The following HERPUD1 variants were observed in gnomAD, a reference collection of about 807,000 sequenced individuals.
HERPUD1 encodes the protein homocysteine inducible ER protein with ubiquitin like domain 1, also known as homocysteine-responsive endoplasmic reticulum-resident ubiquitin-like domain member 1 protein.
In HERPUD1, 17 loss-of-function variants were observed where a neutral mutation model predicts 45.0. The ratio of observed to expected loss-of-function variants is 0.38; its 90% CI spans 0.26 to 0.57. HERPUD1 has a LOEUF of 0.57. Ranked by LOEUF, HERPUD1 falls within the 20% of genes least tolerant of loss-of-function variation. The pLI, the probability that HERPUD1 is intolerant of heterozygous loss-of-function variation, is 0.72. For missense variants in HERPUD1, 420 were observed against 490.5 expected, an observed-to-expected ratio of 0.86 and a Z score of 1.36; for synonymous variants, 164 against 177.5, an observed-to-expected ratio of 0.92 and a Z score of 0.61.
intron 1 of HERPUD1, chr16:56,933,353 ATATT>A: frequency 2.2e-6 from 1 of 455,970 alleles, no homozygotes; most frequent in Middle Eastern, 3.3e-4. Context: ...TGAAATTTGC[ATATT>A]TATTTAGTAA....
At chr16:56,940,305 T>TTG (rs2055899968) in intron 6 of HERPUD1, 60 bp downstream of exon 6, 1 of 1,274,392 alleles carries the variant, frequency 7.8e-7, no homozygotes, top group East Asian at 2.3e-5. Flanking sequence ...TAAGCAGATT[T>TTG]TGCTCTTTTT....
chr16:56,939,341 G>A lies in HERPUD1; in HGVS notation c.536G>A (p.Arg179Gln), dbSNP rs776879632. ...TCCTGGTTCCAGCAGATATATGCAC[G>A]ACAGTACTACATGCAATAGTGAGTC... ...QLSWFQQIYA[R>Q]QYYMQYLAAT... Residue 179 changes from arginine (R) to glutamine (Q), a missense_variant, in exon 5 of 8, where the codon CGA becomes CAA. Transcript: ENST00000439977. The A allele has an allele frequency of 1.2e-5, 19 of 1,614,072 alleles. No homozygotes were observed. Among genetic ancestry groups the A allele is most frequent in the South Asian group, 3.3e-5 (3 of 91,084 alleles).
chr16:56,943,157 A>G lies in HERPUD1; in HGVS notation c.1043A>G (p.Asn348Ser). 1 of 1,614,086 alleles carries G rather than the reference A, an allele frequency of 6.2e-7. No homozygotes were observed. Among genetic ancestry groups the G allele is most frequent in the Non-Finnish European group, 8.5e-7 (1 of 1,180,000 alleles). ...ACTGATCCTGAAACTGAAGACCCCA[A>G]CCACCTCCCTCCAGACAGGGATGTA... ...EGTDPETEDP[N>S]HLPPDRDVLD... The change falls in exon 8 of 8, where the codon AAC becomes AGC. Residue 348 changes from asparagine to serine, a missense_variant. Asn to Ser is a conservative substitution (Grantham distance 46, BLOSUM62 1). Coordinates refer to ENST00000439977, the MANE Select transcript of HERPUD1 (RefSeq NM_014685.4).
chr16:56,933,448 T>C (rs2055842144), intron 1 of HERPUD1: 1 of 425,146 alleles, frequency 2.4e-6, no homozygotes. Flanking sequence ...ACTGGGTGGC[T>C]GTGTTGCCAT....
chr16:56,939,386 T>A (rs778633091), intron 5 of HERPUD1, 27 bp downstream of exon 5: 1 of 1,613,100 alleles, frequency 6.2e-7, no homozygotes, highest in African/African-American at 1.3e-5. Flanking sequence ...ATGCTGGGTG[T>A]GGCCAGGGCT....
At chr16:56,938,507 G>A (rs57502215) in intron 4 of HERPUD1, among the ~76,000 whole-genome samples, 3,411 of 150,706 alleles carry the variant, frequency 0.023, 187 homozygotes, top group Admixed American at 0.12. Context: ...AGCTTGCAGT[G>A]AGCCGAGATT....
chr16:56,936,698 C>T lies in HERPUD1; in HGVS notation c.312C>T (p.Ser104=). The T allele has an allele frequency of 6.2e-7, 1 of 1,612,606 alleles. No individual in the cohort carries two copies. Among genetic ancestry groups the T allele is most frequent in the Non-Finnish European group, 8.5e-7 (1 of 1,179,120 alleles). The change falls in exon 4 of 8, where the codon TCC becomes TCT. Residue 104 remains serine, a synonymous_variant. Coordinates refer to ENST00000439977, the MANE Select transcript of HERPUD1 (RefSeq NM_014685.4). ...MPEINAKVAE[S]TEEPAGSNRG... is the part of the protein sequence containing the mutation. ...TTACACTTATTTAGGTGGCTGAATC[C>T]ACAGAGGAGCCTGCTGGTTCTAATC...
rs148397068 is a variant in HERPUD1, at chr16:56,933,245, AAGTCGTG to A, written c.147+858_147+864del. 1.6e-3 allele frequency: 751 copies of A among 455,976 alleles called. 22 individuals carry two copies. The East Asian group carries it at 0.037, about 23-fold the overall frequency. The allele number at this position is 455,976 out of a possible 1,614,324, so 28.2% of individuals were successfully genotyped here. On this transcript the variant is annotated intron_variant, in intron 1 of 7. Transcript: ENST00000439977. ...GGCATCCGGGCAGGAAAAGATAGTG[AAGTCGTG>A]AGTTCCAGCTTGTGGTAGCGCCTGT...
intron 4 of HERPUD1, among the ~76,000 whole-genome samples, chr16:56,937,907 G>A (rs1305604489): frequency 4.0e-5 from 6 of 151,534 alleles, no homozygotes; most frequent in Non-Finnish European, 7.4e-5. Flanking sequence ...CATATAAATT[G>A]GATAATTATT....
chr16:56,942,105 A>G (rs1189706128), intron 6 of HERPUD1, 27 bp from the exon 7 acceptor site: 2 of 1,576,160 alleles, frequency 1.3e-6, no homozygotes, highest in African/African-American at 2.7e-5. Flanking sequence ...ATCAGCTAAG[A>G]TGGACTTTTA....
Position 56,935,476 on chromosome 16 carries a change from G to A in HERPUD1, c.300+1G>A. ...AAAAATGCCAGAAATCAACGCCAAG[G>A]TGTGTCTGCCTCTTCATGATGGTAA... On this transcript the variant is annotated splice_donor_variant, in intron 3 of 7. Transcript: ENST00000439977. LOFTEE classifies it high-confidence loss of function. 6.2e-7 allele frequency: 1 copy of A among 1,612,556 alleles called. No homozygotes were observed. The highest frequency in any genetic ancestry group is 8.5e-7 in the Non-Finnish European group (1 of 1,178,570).
chr16:56,933,847 G>A (rs935173351), intron 1 of HERPUD1, among the ~76,000 whole-genome samples: 20 of 152,114 alleles, frequency 1.3e-4, no homozygotes, highest in African/African-American at 4.8e-4. Context: ...TGGTTTTCCG[G>A]CCTTTTCTAT....
Position 56,939,362 on chromosome 16 carries a change from G to A in HERPUD1, c.554+3G>A. On this transcript the variant is annotated splice_donor_region_variant and intron_variant, in intron 5 of 7. Coordinates refer to ENST00000439977, the MANE Select transcript of HERPUD1 (RefSeq NM_014685.4). ...GCACGACAGTACTACATGCAATAGT[G>A]AGTCCTTCCCGCCATGCTGGGTGTG... is the stretch of plus-strand genomic sequence containing the variant. The A allele has an allele frequency of 6.2e-7, 1 of 1,614,118 alleles. No individual in the cohort carries two copies. Among genetic ancestry groups the A allele is most frequent in the Non-Finnish European group, 8.5e-7 (1 of 1,180,028 alleles).
At chr16:56,942,037 G>T in intron 6 of HERPUD1, 95 bp from the exon 7 acceptor site, 1 of 909,846 alleles carries the variant, frequency 1.1e-6, no homozygotes, top group East Asian at 2.4e-5. Context: ...AGCTTATCAG[G>T]GTGCTGCTGT....
In HERPUD1 at chr16:56,932,193, G is replaced by A. The variant is rs1315173867; in HGVS notation, c.-52G>A. The A allele has an allele frequency of 6.9e-6, 11 of 1,588,220 alleles. No homozygotes were observed. Among genetic ancestry groups the A allele is most frequent in the African/African-American group, 1.3e-5 (1 of 74,716 alleles). The stretch of plus-strand genomic sequence containing the variant: ...AGAGATTGCGGGCGGCTGAGACGCC[G>A]CCTGCCTGGCACCTAGGAGCGCAGC... On this transcript the variant is annotated 5_prime_UTR_variant, in exon 1 of 8. Transcript: ENST00000439977.
intron 6 of HERPUD1, 22 bp from the exon 7 acceptor site, chr16:56,942,110 C>T (rs2055914342): frequency 6.3e-7 from 1 of 1,595,842 alleles, no homozygotes; most frequent in Non-Finnish European, 8.6e-7. Flanking sequence ...CTAAGATGGA[C>T]TTTTATGTGC....
At chr16:56,933,269 A>AGC (rs1259445194) in intron 1 of HERPUD1, 4 of 455,960 alleles carry the variant, frequency 8.8e-6, no homozygotes, top group South Asian at 6.2e-5. Flanking sequence ...AGCTTGTGGT[A>AGC]GCGCCTGTGT....
intron 3 of HERPUD1, chr16:56,935,737 T>A (rs1343472097): frequency 1.3e-5 from 6 of 472,708 alleles, no homozygotes; most frequent in Non-Finnish European, 2.3e-5. Context: ...GATCTATGGT[T>A]ACTGTGTATC....
intron 1 of HERPUD1, chr16:56,934,947 G>C (rs1310269338): frequency 6.0e-6 from 2 of 332,882 alleles, no homozygotes; most frequent in Non-Finnish European, 1.2e-5. Context: ...CCTGACCTCA[G>C]GTGATCTGCC....
Sources: gnomAD v4.1 joint callset for allele counts (sites outside exome capture counted in the v4.1 genomes callset) on GRCh38, gnomAD v4.1.1 for gene constraint, MANE v1.5 for transcripts, NCBI Gene and HGNC (gene_info 2026-07-23, HGNC 2026-07-21) for gene names.